Variants in CASD1 observed in about 807,000 individuals in gnomAD.
The protein encoded by CASD1 is CAS1 domain sialic acid O acetyltransferase 1.
In CASD1, 41 loss-of-function variants were observed where a neutral mutation model predicts 100.0. The observed-to-expected ratio is 0.41, with a 90% CI of 0.32 to 0.53. The LOEUF is 0.53. Ranked by LOEUF, CASD1 falls within the 20% of genes least tolerant of loss-of-function variation. The pLI, the probability that CASD1 is intolerant of heterozygous loss-of-function variation, is 0.25. For missense variants in CASD1, 774 were observed against 948.7 expected, an observed-to-expected ratio of 0.82 and a Z score of 2.42; for synonymous variants, 321 against 315.6, an observed-to-expected ratio of 1.02 and a Z score of -0.18.
At chr7:94,560,678 T>C (rs1452995622), downstream of CASD1, among the ~76,000 whole-genome samples, 4 of 152,182 alleles carry the variant, frequency 2.6e-5, no homozygotes, top group Middle Eastern at 3.2e-3. Context: ...TCAAAAGATA[T>C]TAGAATAAGG....
the CASD1 span, chr7:94,626,640 G>A: frequency 6.6e-6 from 1 of 151,724 alleles, no homozygotes; most frequent in African/African-American, 2.4e-5. Flanking sequence ...TATCATTGAT[G>A]GTTTCCATTT....
At chr7:94,525,996 G>T (rs981649594) in intron 3 of CASD1, among the ~76,000 whole-genome samples, 13 of 152,106 alleles carry the variant, frequency 8.5e-5, no homozygotes, top group African/African-American at 3.1e-4. Context: ...TAGAACATTT[G>T]GTTACAAGAA....
At chr7:94,600,797 G>A in the CASD1 span, 4 of 1,613,202 alleles carry the variant, frequency 2.5e-6, no homozygotes, top group African/African-American at 4.0e-5. Flanking sequence ...CCACCATCAG[G>A]TAAAATCCCC....
the CASD1 span, chr7:94,598,468 CT>C: frequency 9.7e-5 from 31 of 321,060 alleles, no homozygotes; most frequent in East Asian, 1.5e-4. Context: ...GGATATGGTT[CT>C]TTTTTTTATA....
At chr7:94,573,108 C>T in the CASD1 span, among the ~76,000 whole-genome samples, 1 of 152,172 alleles carries the variant, frequency 6.6e-6, no homozygotes, top group Non-Finnish European at 1.5e-5. Flanking sequence ...CAGCACCATG[C>T]TGTTTTGGTT....
At chr7:94,512,746 A>G (rs1793778323) in intron 1 of CASD1, among the ~76,000 whole-genome samples, 1 of 152,248 alleles carries the variant, frequency 6.6e-6, no homozygotes, top group South Asian at 2.1e-4. Context: ...CTTTGATTGC[A>G]TGTCAAAGTT....
chr7:94,510,302 A>T, intron 1 of CASD1, 85 bp downstream of exon 1: 2 of 1,027,218 alleles, frequency 1.9e-6, no homozygotes, highest in South Asian at 2.5e-5. Flanking sequence ...CGCCCAACAC[A>T]CGCCCACGCG....
intron 13 of CASD1, among the ~76,000 whole-genome samples, chr7:94,548,151 A>T (rs1014393070): frequency 6.6e-6 from 1 of 151,860 alleles, no homozygotes; most frequent in African/African-American, 2.4e-5. Flanking sequence ...CTGCTGAGGG[A>T]AAGAAAGAAA....
chr7:94,633,378 GTAA>G, the CASD1 span, among the ~76,000 whole-genome samples: 2 of 152,074 alleles, frequency 1.3e-5, no homozygotes, highest in Admixed American at 6.6e-5. Context: ...AATTTTTTAA[GTAA>G]TAATTACATA....
chr7:94,619,682 G>C, the CASD1 span: 1 of 152,130 alleles, frequency 6.6e-6, no homozygotes, highest in Admixed American at 6.6e-5. Flanking sequence ...TAAGAATAAA[G>C]GTTAATTTTT....
the CASD1 span, among the ~76,000 whole-genome samples, chr7:94,579,367 AAACAT>A: frequency 6.6e-6 from 1 of 152,294 alleles, no homozygotes; most frequent in South Asian, 2.1e-4. Flanking sequence ...CATAAAAATT[AAACAT>A]AATATGAAAA....
At chr7:94,538,868 C>A in intron 9 of CASD1, 99 bp from the exon 10 acceptor site, 1 of 539,336 alleles carries the variant, frequency 1.9e-6, no homozygotes, top group Non-Finnish European at 3.2e-6. Context: ...GAAGCATTAG[C>A]TTTATGTCCT....
At chr7:94,567,395 A>G in the CASD1 span, among the ~76,000 whole-genome samples, 1 of 152,090 alleles carries the variant, frequency 6.6e-6, no homozygotes, top group Non-Finnish European at 1.5e-5. Flanking sequence ...TCAGAATTCT[A>G]ATATCTGAGT....
intron 5 of CASD1, among the ~76,000 whole-genome samples, chr7:94,530,383 G>T (rs1290270506): frequency 6.6e-6 from 1 of 152,138 alleles, no homozygotes. Flanking sequence ...CTTTTCACGT[G>T]CTTCGTTTTA....
the CASD1 span, chr7:94,590,051 TCA>T: frequency 6.6e-6 from 1 of 152,116 alleles, no homozygotes; most frequent in Admixed American, 6.6e-5. Context: ...AGATTAAATT[TCA>T]GATTTCTTAA....
At chr7:94,527,092 A>G in intron 3 of CASD1, 70 bp from the exon 4 acceptor site, 2 of 1,112,528 alleles carry the variant, frequency 1.8e-6, no homozygotes, top group Non-Finnish European at 2.7e-6. Context: ...AAATCAAAGC[A>G]GCTAAATGGG....
chr7:94,579,281 C>A, the CASD1 span, among the ~76,000 whole-genome samples: 1 of 150,406 alleles, frequency 6.6e-6, no homozygotes, highest in African/African-American at 2.4e-5. Context: ...CTCAATCTTT[C>A]TTCATTGTCC....
chr7:94,517,088 G>C (rs1393937551), intron 1 of CASD1, among the ~76,000 whole-genome samples: 5 of 152,084 alleles, frequency 3.3e-5, no homozygotes, highest in African/African-American at 1.2e-4. Context: ...ATTTTTAGTA[G>C]AGATGGTGTT....
At chr7:94,613,275 T>C in the CASD1 span, among the ~76,000 whole-genome samples, 1 of 152,198 alleles carries the variant, frequency 6.6e-6, no homozygotes, top group Non-Finnish European at 1.5e-5. Context: ...TGAGTCCATG[T>C]GTAATAATAA....
Sources: allele counts gnomAD v4.1 joint callset (sites outside exome capture counted in the v4.1 genomes callset), GRCh38; gene constraint gnomAD v4.1.1; transcripts MANE v1.5; gene names NCBI Gene and HGNC (gene_info 2026-07-23, HGNC 2026-07-21).